Variants in TMEM181 observed in about 807,000 individuals in gnomAD.
The protein encoded by TMEM181 is transmembrane protein 181.
A neutral mutation model predicts 71.9 loss-of-function variants in TMEM181; 39 were observed. The observed-to-expected ratio is 0.54, with a 90% CI of 0.42 to 0.71. The LOEUF is 0.71. Among genes scored for constraint, TMEM181 ranks in the 30% least tolerant of loss-of-function variants. TMEM181 has a pLI of 0.00. For missense variants in TMEM181, 595 were observed against 583.0 expected, an observed-to-expected ratio of 1.02 and a Z score of -0.21; for synonymous variants, 245 against 228.8, an observed-to-expected ratio of 1.07 and a Z score of -0.64.
intron 8 of TMEM181, among the ~76,000 whole-genome samples, chr6:158,608,049 C>A (rs1213358341): frequency 1.3e-5 from 2 of 152,244 alleles, no homozygotes; most frequent in African/African-American, 4.8e-5. Flanking sequence ...TGTTCAGTGG[C>A]TTTTAGGTGT....
chr6:158,585,508 T>A (rs1382431442), intron 5 of TMEM181, 83 bp downstream of exon 5: 2 of 1,331,554 alleles, frequency 1.5e-6, no homozygotes, highest in Non-Finnish European at 1.9e-6. Context: ...GTCTAAAAGA[T>A]AGCATGGTAA....
At chr6:158,536,787 A>G in exon 1 of TMEM181, 1 of 1,568,362 alleles carries the variant, frequency 6.4e-7, no homozygotes, top group African/African-American at 1.4e-5. Flanking sequence ...GAGCTCAAGC[A>G]CCTGTGCCGG....
chr6:158,627,855 G>T (rs1021756330), intron 13 of TMEM181, among the ~76,000 whole-genome samples: 2 of 152,164 alleles, frequency 1.3e-5, no homozygotes, highest in Non-Finnish European at 2.9e-5. Context: ...GAAGGCAGGT[G>T]GGGGAGGAGC....
At chr6:158,540,509 G>A (rs935497536) in intron 1 of TMEM181, among the ~76,000 whole-genome samples, 9 of 152,206 alleles carry the variant, frequency 5.9e-5, no homozygotes, top group Non-Finnish European at 1.2e-4. Context: ...AGCAGAGCGC[G>A]GTGGCTCGTG....
intron 16 of TMEM181, 95 bp from the exon 17 acceptor site, chr6:158,631,715 T>C (rs1444829367): frequency 7.4e-7 from 1 of 1,358,412 alleles, no homozygotes; most frequent in East Asian, 2.5e-5. Context: ...AGCGAAGCTA[T>C]GATTTAATTC....
At chr6:158,541,290 G>A (rs1466542185) in intron 1 of TMEM181, among the ~76,000 whole-genome samples, 3 of 152,220 alleles carry the variant, frequency 2.0e-5, no homozygotes, top group East Asian at 3.9e-4. Flanking sequence ...GATGGCGGGC[G>A]CCTGTAATCC....
intron 15 of TMEM181, 80 bp downstream of exon 15, chr6:158,629,899 T>G: frequency 8.4e-7 from 1 of 1,190,082 alleles, no homozygotes; most frequent in Non-Finnish European, 1.3e-6. Context: ...ACTTCCCGGG[T>G]TTCCCATTCA....
chr6:158,563,228 C>G (rs1463659485), intron 1 of TMEM181, among the ~76,000 whole-genome samples: 1 of 152,130 alleles, frequency 6.6e-6, no homozygotes, highest in Non-Finnish European at 1.5e-5. Context: ...ACTGCAACCT[C>G]TGCCTCCCGG....
At position 158,620,955 on chromosome 6, in the gene TMEM181, A is replaced by G. The variant is rs1280370348; in HGVS notation, c.897-2595A>G. Among the ~76,000 whole-genome samples, 1 of 152,214 alleles carries G rather than the reference A, an allele frequency of 6.6e-6. No homozygotes were observed. The highest frequency in any genetic ancestry group is 1.5e-5 in the Non-Finnish European group (1 of 68,028). On this transcript the variant is annotated intron_variant, in intron 10 of 16. Transcript: ENST00000684151. This position sits in a 1 kb window ranked among gnomAD's most constrained non-coding sequence, Gnocchi z 4.5. ...GTCAGAGGCACTCTCTTACGGGCTA[A>G]GAGTATTTAAGCGTTCAGGGTGGGA... is the stretch of plus-strand genomic sequence containing the variant.
At chr6:158,599,249 G>A (rs1316253902) in intron 6 of TMEM181, among the ~76,000 whole-genome samples, 1 of 152,238 alleles carries the variant, frequency 6.6e-6, no homozygotes, top group African/African-American at 2.4e-5. Context: ...GGACAAGGTT[G>A]TGCTCAGCAG....
chr6:158,634,526 A>AC lies in TMEM181; in HGVS notation c.*2640dup, dbSNP rs1299599526. On this transcript the variant is annotated 3_prime_UTR_variant, in exon 17 of 17. Transcript: ENST00000684151. Reference sequence around the variant, plus strand: ...CCAGTCTAGGAGAACCTGGAAGATGACCAGAGGTATTTCAGTTTCCCTAGG... The same window carrying AC: ...CCAGTCTAGGAGAACCTGGAAGATGACCCAGAGGTATTTCAGTTTCCCTAGG... The AC allele has an allele frequency of 1.3e-5, 2 of 152,190 alleles. No homozygotes were observed. Among genetic ancestry groups the AC allele is most frequent in the African/African-American group, 2.4e-5 (1 of 41,442 alleles). 9.4% of individuals were successfully genotyped at this position (152,190 alleles called of 1,614,324 possible). A position where few individuals can be genotyped will look rare whatever the true frequency, so the allele number is the denominator to read the frequency against.
At chr6:158,607,707 G>C (rs1785027746) in intron 8 of TMEM181, among the ~76,000 whole-genome samples, 1 of 152,196 alleles carries the variant, frequency 6.6e-6, no homozygotes, top group Non-Finnish European at 1.5e-5. Context: ...AGCCATCTTG[G>C]AGATGGCCTA....
At chr6:158,545,078 CAG>C (rs2128279001) in intron 1 of TMEM181, among the ~76,000 whole-genome samples, 1 of 152,340 alleles carries the variant, frequency 6.6e-6, no homozygotes, top group East Asian at 1.9e-4. Context: ...GCTCAGGGGC[CAG>C]GCAGCTCTCC....
rs12524619 is a variant in TMEM181 at position 158,590,431 on chromosome 6, C to T, written c.492+649C>T. 4.7e-3 allele frequency among the ~76,000 whole-genome samples: 709 copies of T among 151,290 alleles called. 19 individuals carry two copies. Among genetic ancestry groups the T allele is most frequent in the Admixed American group, 0.038 (572 of 15,178 alleles). On this transcript the variant is annotated intron_variant, in intron 6 of 16. Transcript: ENST00000684151. ...AGTTTGCTTGCCCTTTTAATGAAAG[C>T]GTACGTTCAGTGGTTTTTTTTTGTT...
intron 6 of TMEM181, among the ~76,000 whole-genome samples, chr6:158,598,775 G>A (rs1784518174): frequency 6.6e-6 from 1 of 151,940 alleles, no homozygotes. Flanking sequence ...CCGGGTTCAG[G>A]CCATTCTCCT....
In TMEM181 at chr6:158,554,914, A is replaced by C. The variant is rs546539223; in HGVS notation, c.131+18049A>C. Among the ~76,000 whole-genome samples the C allele has an allele frequency of 1.2e-4, 19 of 152,360 alleles. No individual in the cohort carries two copies. The South Asian group carries it at 3.7e-3, about 30-fold the overall frequency. On this transcript the variant is annotated intron_variant, in intron 1 of 16. Transcript: ENST00000367090. The stretch of plus-strand genomic sequence containing the variant: ...ATTTGCCCCGATAGGTAATCTAATG[A>C]AGATGGTGGGCGAAGATTTTGGACA...
In TMEM181 at chr6:158,601,347, G is replaced by A. The variant is rs138509400; in HGVS notation, c.493-3920G>A. 2.2e-3 allele frequency among the ~76,000 whole-genome samples: 337 copies of A among 152,244 alleles called. 1 individual carries two copies. The highest frequency in any genetic ancestry group is 2.4e-3 in the Non-Finnish European group (165 of 68,016). ...GCAGATCACCTGAGATCAGGAGTTC[G>A]GGACCAGCCTGACCAACATAGTGAA... On this transcript the variant is annotated intron_variant, in intron 6 of 16. Transcript: ENST00000684151.
chr6:158,569,053 G>A (rs889313493), intron 1 of TMEM181, among the ~76,000 whole-genome samples: 10 of 152,142 alleles, frequency 6.6e-5, no homozygotes, highest in Non-Finnish European at 1.5e-5. Flanking sequence ...TTAGCTCACT[G>A]TAGCTTCAAA....
At chr6:158,577,807 T>G (rs533699430) in intron 2 of TMEM181, among the ~76,000 whole-genome samples, 1 of 152,160 alleles carries the variant, frequency 6.6e-6, no homozygotes, top group Non-Finnish European at 1.5e-5. Flanking sequence ...AAGAAAACTG[T>G]TGGCCGGGTG....
Sources: gnomAD v4.1 joint callset for allele counts (sites outside exome capture counted in the v4.1 genomes callset) on GRCh38, gnomAD v4.1.1 for gene constraint, Gnocchi (gnomAD v3.1) non-coding constraint, MANE v1.5 for transcripts, NCBI Gene and HGNC (gene_info 2026-07-23, HGNC 2026-07-21) for gene names.